OSBP2: variants seen among roughly 807,000 people sequenced by gnomAD.
The protein encoded by OSBP2 is oxysterol-binding protein 2.
Under a neutral mutation model 96.0 loss-of-function variants are expected in OSBP2, and 66 were observed. The observed-to-expected ratio is 0.69, with a 90% CI of 0.56 to 0.84. The LOEUF (loss-of-function observed/expected upper bound fraction) is 0.84, where lower values mean the gene tolerates loss of function less well. Ranked by LOEUF, OSBP2 falls within the 40% of genes least tolerant of loss-of-function variation. The pLI is 0.00. For missense variants in OSBP2, 1,038 were observed against 1,222.7 expected (o/e 0.85, Z 2.25); for synonymous variants, 525 against 520.9 (o/e 1.01, Z -0.11).
chr22:30,903,772 T>G (rs900495152), intron 12 of OSBP2, among the ~76,000 whole-genome samples: 1 of 152,220 alleles, frequency 6.6e-6, no homozygotes, highest in African/African-American at 2.4e-5. Flanking sequence ...GCCTGTGTGT[T>G]TGTGTTTATC....
At position 30,887,456 on chromosome 22, in the gene OSBP2, A is replaced by G. The variant is rs755454223; in HGVS notation, c.1138A>G (p.Ile380Val). Residue 380 changes from isoleucine (I) to valine (V), a missense_variant, in exon 4 of 14, where the codon ATA becomes GTA. Transcript: ENST00000332585. ...CAGGGACTTCTTGGAACTAGCAGAG[A>G]TACACAGTCGGAAATGGCAGCGGGC... ...ACRDFLELAE[I>V]HSRKWQRALQ... is the part of the protein sequence containing the mutation. The G allele has an allele frequency of 3.8e-5, 62 of 1,613,752 alleles. 3 individuals carry two copies. The South Asian group carries it at 6.5e-4, about 17-fold the overall frequency.
chr22:30,708,885 G>A (rs1167997292), intron 1 of OSBP2, among the ~76,000 whole-genome samples: 1 of 151,712 alleles, frequency 6.6e-6, no homozygotes, highest in Non-Finnish European at 1.5e-5. Context: ...TGGATCACCT[G>A]AGGTCAGGAG....
chr22:30,785,230 T>C (rs1222204892), intron 2 of OSBP2, among the ~76,000 whole-genome samples: 1 of 152,186 alleles, frequency 6.6e-6, no homozygotes, highest in African/African-American at 2.4e-5. Context: ...ACCAATGTAA[T>C]GTGGGCCCTG....
upstream of OSBP2, chr22:30,694,311 G>A: frequency 3.9e-6 from 6 of 1,548,732 alleles, no homozygotes; most frequent in Non-Finnish European, 5.2e-6. Flanking sequence ...TGGGGCCACC[G>A]CTTCTGGCGG....
intron 2 of OSBP2, among the ~76,000 whole-genome samples, chr22:30,850,099 T>C (rs1333504616): frequency 6.6e-6 from 1 of 152,064 alleles, no homozygotes; most frequent in Non-Finnish European, 1.5e-5. Context: ...ATTCAGGAGT[T>C]TAAGTCCAGC....
At chr22:30,788,910 G>A (rs5753318) in intron 2 of OSBP2, among the ~76,000 whole-genome samples, 27,905 of 151,968 alleles carry the variant, frequency 0.18, 2,678 homozygotes, top group Middle Eastern at 0.23. Context: ...TTGGGGTTTC[G>A]CCATGTTGGC....
chr22:30,863,310 T>C (rs1169110342), intron 2 of OSBP2, among the ~76,000 whole-genome samples: 2 of 152,134 alleles, frequency 1.3e-5, no homozygotes, highest in Admixed American at 6.6e-5. Context: ...TGTAATTGAA[T>C]GTTGGAGGCG....
chr22:30,696,297 T>C (rs1217050360), intron 1 of OSBP2, among the ~76,000 whole-genome samples: 1 of 152,200 alleles, frequency 6.6e-6, no homozygotes, highest in African/African-American at 2.4e-5. Context: ...CTTCCCTGGG[T>C]CTGCTTCCTG....
chr22:30,698,288 A>G (rs1303625669), intron 1 of OSBP2, among the ~76,000 whole-genome samples: 1 of 152,146 alleles, frequency 6.6e-6, no homozygotes. Flanking sequence ...AATAAAGTGA[A>G]AGAATTTTTA....
chr22:30,725,278 T>C (rs995982449), intron 1 of OSBP2, among the ~76,000 whole-genome samples: 9 of 150,794 alleles, frequency 6.0e-5, no homozygotes, highest in African/African-American at 2.2e-4. Flanking sequence ...GCCAAGGCAG[T>C]CAGATCTCTT....
intron 2 of OSBP2, among the ~76,000 whole-genome samples, chr22:30,780,280 G>A (rs1225757443): frequency 6.6e-6 from 1 of 152,218 alleles, no homozygotes; most frequent in Non-Finnish European, 1.5e-5. Flanking sequence ...TCAGAATGTG[G>A]CACGGTGAAG....
intron 1 of OSBP2, among the ~76,000 whole-genome samples, chr22:30,731,164 A>C (rs2089772672): frequency 6.6e-6 from 1 of 151,662 alleles, no homozygotes; most frequent in Non-Finnish European, 1.5e-5. Flanking sequence ...GCAGAGTGAG[A>C]CTCCATCTCA....
rs202025484 is a variant in OSBP2, at chr22:30,701,515, T to G, written c.644+5962T>G. 3.1e-4 allele frequency among the ~76,000 whole-genome samples: 47 copies of G among 152,064 alleles called. No homozygotes were observed. In the East Asian group the frequency reaches 7.6e-3, roughly 24 times the overall value. On this transcript the variant is annotated intron_variant, in intron 1 of 13. Transcript: ENST00000332585. ...CCTGCCACCACACCCGGCTTATTTT[T>G]TGTATTTTTAGTACAGACGGGGTTT...
intron 2 of OSBP2, among the ~76,000 whole-genome samples, chr22:30,811,984 T>A (rs1170031093): frequency 1.3e-5 from 2 of 151,338 alleles, no homozygotes; most frequent in African/African-American, 4.9e-5. Flanking sequence ...GCCTCCGAAG[T>A]ACCTAGAACT....
chr22:30,807,972 T>C (rs578021806), intron 2 of OSBP2, among the ~76,000 whole-genome samples: 1 of 152,124 alleles, frequency 6.6e-6, no homozygotes, highest in South Asian at 2.1e-4. Context: ...ATGTTTTTTG[T>C]TGAGACAAGG....
intron 1 of OSBP2, among the ~76,000 whole-genome samples, chr22:30,714,521 T>A (rs36107783): frequency 5.1e-3 from 773 of 152,296 alleles, no homozygotes; most frequent in Non-Finnish European, 9.1e-3. Context: ...GAAACACATC[T>A]CCAAAATGTT....
intron 2 of OSBP2, among the ~76,000 whole-genome samples, chr22:30,767,074 T>G (rs2090281935): frequency 6.6e-6 from 1 of 150,696 alleles, no homozygotes; most frequent in African/African-American, 2.4e-5. Context: ...ATTTAATTTT[T>G]TTTTTTTTTA....
At chr22:30,733,854 G>C (rs1470279036) in intron 1 of OSBP2, among the ~76,000 whole-genome samples, 1 of 152,192 alleles carries the variant, frequency 6.6e-6, no homozygotes, top group Non-Finnish European at 1.5e-5. Context: ...GATGTTGGTT[G>C]TGGTAAATTC....
chr22:30,809,366 T>G (rs1489437850), intron 2 of OSBP2, among the ~76,000 whole-genome samples: 1 of 152,080 alleles, frequency 6.6e-6, no homozygotes, highest in Non-Finnish European at 1.5e-5. Flanking sequence ...TCGAGAAGTG[T>G]ATGATGAAGA....
Sources: gnomAD v4.1 joint callset for allele counts (sites outside exome capture counted in the v4.1 genomes callset) on GRCh38, gnomAD v4.1.1 for gene constraint, MANE v1.5 for transcripts, NCBI Gene and HGNC (gene_info 2026-07-23, HGNC 2026-07-21) for gene names.